AKAP19: variants seen among roughly 807,000 people sequenced by gnomAD.
AKAP19 encodes the protein small A-kinase anchoring protein.
the AKAP19 span, among the ~76,000 whole-genome samples, chr2:190,139,031 T>A: frequency 6.6e-6 from 1 of 152,240 alleles, no homozygotes; most frequent in African/African-American, 2.4e-5. Flanking sequence ...TGCTAGGCAC[T>A]TTTTAAAGTA....
At chr2:189,999,867 G>C in the AKAP19 span, among the ~76,000 whole-genome samples, 1 of 152,104 alleles carries the variant, frequency 6.6e-6, no homozygotes, top group African/African-American at 2.4e-5. Context: ...TTTGTTTTTG[G>C]ACATATGACG....
At chr2:189,976,694 G>A in the AKAP19 span, among the ~76,000 whole-genome samples, 1 of 152,174 alleles carries the variant, frequency 6.6e-6, no homozygotes. Flanking sequence ...CCCTCCCCCA[G>A]CCTCGCTGCT....
chr2:190,202,091 A>C, the AKAP19 span: 1 of 167,044 alleles, frequency 6.0e-6, no homozygotes, highest in Non-Finnish European at 1.5e-5. Context: ...TTGTATCTAA[A>C]TATTTTAATT....
chr2:189,973,247 T>G, the AKAP19 span, among the ~76,000 whole-genome samples: 3 of 152,024 alleles, frequency 2.0e-5, no homozygotes, highest in South Asian at 2.1e-4. Flanking sequence ...TAATCATGTG[T>G]TTTTTTGTCT....
the AKAP19 span, among the ~76,000 whole-genome samples, chr2:189,884,282 G>A: frequency 6.6e-6 from 1 of 152,024 alleles, no homozygotes; most frequent in Non-Finnish European, 1.5e-5. Flanking sequence ...GTAAATTACA[G>A]CATCTTAACT....
the AKAP19 span, among the ~76,000 whole-genome samples, chr2:189,960,499 T>A: frequency 6.6e-6 from 1 of 152,110 alleles, no homozygotes; most frequent in African/African-American, 2.4e-5. Context: ...ATTACACACT[T>A]TTATTTCTTA....
chr2:189,981,157 T>A, the AKAP19 span, among the ~76,000 whole-genome samples: 2 of 152,270 alleles, frequency 1.3e-5, no homozygotes, highest in Admixed American at 1.3e-4. Flanking sequence ...CTCTTAGGTC[T>A]AGCAGTATTT....
At chr2:189,926,381 G>A in the AKAP19 span, among the ~76,000 whole-genome samples, 1 of 151,924 alleles carries the variant, frequency 6.6e-6, no homozygotes, top group African/African-American at 2.4e-5. Flanking sequence ...TGCAAACTCC[G>A]CCTCCTGGGT....
the AKAP19 span, among the ~76,000 whole-genome samples, chr2:190,157,721 C>G: frequency 6.6e-6 from 1 of 152,200 alleles, no homozygotes; most frequent in African/African-American, 2.4e-5. Context: ...TAATGACAAT[C>G]TTATAAATTC....
At chr2:190,040,622 C>G in the AKAP19 span, among the ~76,000 whole-genome samples, 2 of 152,022 alleles carry the variant, frequency 1.3e-5, no homozygotes, top group African/African-American at 4.8e-5. Context: ...ATGGTATTGT[C>G]TAGTTTGTCT....
At chr2:190,054,719 A>G in the AKAP19 span, among the ~76,000 whole-genome samples, 1 of 152,234 alleles carries the variant, frequency 6.6e-6, no homozygotes, top group African/African-American at 2.4e-5. Flanking sequence ...CAAAAGACAC[A>G]TGAAAAAATG....
the AKAP19 span, among the ~76,000 whole-genome samples, chr2:190,150,667 C>G: frequency 6.6e-6 from 1 of 152,006 alleles, no homozygotes; most frequent in African/African-American, 2.4e-5. Context: ...AATTCAAATG[C>G]GAGCTTCTGC....
At chr2:190,001,135 C>A in the AKAP19 span, among the ~76,000 whole-genome samples, 1 of 152,076 alleles carries the variant, frequency 6.6e-6, no homozygotes, top group Non-Finnish European at 1.5e-5. Context: ...AGTTATTTTA[C>A]TTCTCAACTC....
At chr2:190,158,128 C>T in the AKAP19 span, among the ~76,000 whole-genome samples, 1 of 152,188 alleles carries the variant, frequency 6.6e-6, no homozygotes, top group Non-Finnish European at 1.5e-5. Context: ...TCACGTACCC[C>T]TTGCTTGCTC....
the AKAP19 span, chr2:190,200,421 C>CAG: frequency 3.1e-6 from 1 of 327,122 alleles, no homozygotes; most frequent in Admixed American, 4.4e-5. Context: ...AGCACTTCTT[C>CAG]CTAAGTAATG....
chr2:189,886,740 C>T, the AKAP19 span, among the ~76,000 whole-genome samples: 1 of 152,074 alleles, frequency 6.6e-6, no homozygotes, highest in African/African-American at 2.4e-5. Context: ...GCATTCTAGA[C>T]ATAGGGAAGA....
the AKAP19 span, among the ~76,000 whole-genome samples, chr2:189,975,011 G>T: frequency 8.5e-5 from 13 of 152,144 alleles, no homozygotes; most frequent in Admixed American, 2.0e-4. Context: ...GTGTGAATTT[G>T]ATCCTGTCAT....
the AKAP19 span, among the ~76,000 whole-genome samples, chr2:190,066,339 A>G: frequency 2.0e-5 from 3 of 152,160 alleles, no homozygotes; most frequent in African/African-American, 7.2e-5. Flanking sequence ...TTATTTTTCC[A>G]GTGTGAGATC....
chr2:190,053,387 T>C, the AKAP19 span, among the ~76,000 whole-genome samples: 1 of 152,196 alleles, frequency 6.6e-6, no homozygotes, highest in Admixed American at 6.5e-5. Context: ...GTGTTTTGAA[T>C]GGCAACCAAG....
Sources: gnomAD v4.1 joint callset for allele counts (sites outside exome capture counted in the v4.1 genomes callset) on GRCh38, gnomAD v4.1.1 for gene constraint, MANE v1.5 for transcripts, NCBI Gene and HGNC (gene_info 2026-07-23, HGNC 2026-07-21) for gene names.